The following SPAG16 variants were observed in gnomAD, a reference collection of about 807,000 sequenced individuals.
SPAG16 encodes sperm-associated antigen 16 protein.
SPAG16 carries 86 observed loss-of-function variants against 80.4 expected under a neutral mutation model. The observed-to-expected ratio is 1.07, with a 90% CI of 0.90 to 1.28. SPAG16 has a LOEUF of 1.28. Among genes scored for constraint, SPAG16 ranks in the 50% most tolerant of loss-of-function variants. The pLI, the probability that SPAG16 is intolerant of heterozygous loss-of-function variation, is 0.00. For synonymous variants in SPAG16, 294 were observed against 265.9 expected (o/e 1.11, Z -1.03); for missense variants, 870 against 765.3 (o/e 1.14, Z -1.61).
chr2:213,373,263 C>T (rs1240570522), intron 8 of SPAG16, among the ~76,000 whole-genome samples: 1 of 152,106 alleles, frequency 6.6e-6, no homozygotes, highest in Non-Finnish European at 1.5e-5. Flanking sequence ...ACTTTATTGT[C>T]TGTGCCTTTC....
At chr2:213,710,348 G>A (rs2065930028) in intron 10 of SPAG16, among the ~76,000 whole-genome samples, 1 of 151,416 alleles carries the variant, frequency 6.6e-6, no homozygotes, top group Non-Finnish European at 1.5e-5. Context: ...AAAATTACAT[G>A]TAATTCATAA....
chr2:214,169,556 T>C (rs192473628), intron 15 of SPAG16, among the ~76,000 whole-genome samples: 2 of 152,070 alleles, frequency 1.3e-5, no homozygotes, highest in African/African-American at 4.8e-5. Flanking sequence ...CTCTCCAATA[T>C]TTTTGGAGAG....
chr2:213,409,116 G>GTTT (rs71060431), intron 9 of SPAG16, among the ~76,000 whole-genome samples: 1 of 146,766 alleles, frequency 6.8e-6, no homozygotes. Flanking sequence ...TAAATTAACT[G>GTTT]TTTTTTTTTT....
chr2:213,303,517 A>G lies in SPAG16; in HGVS notation c.279+6160A>G, dbSNP rs1208601528. On this transcript the variant is annotated intron_variant, in intron 3 of 15. Transcript: ENST00000331683. ...TCATTCTGACTATATTTTTGTACCC[A>G]TTAACCATCCCCTCTCCCCTCCCCA... is the stretch of plus-strand genomic sequence containing the variant. Among the ~76,000 whole-genome samples, 5 of 151,846 alleles carry G rather than the reference A, an allele frequency of 3.3e-5. No homozygotes were observed. In the South Asian group the frequency reaches 1.0e-3, roughly 32 times the overall value.
At chr2:214,001,860 C>T (rs1403241728) in intron 12 of SPAG16, among the ~76,000 whole-genome samples, 1 of 151,970 alleles carries the variant, frequency 6.6e-6, no homozygotes, top group Non-Finnish European at 1.5e-5. Flanking sequence ...AGAGTTTGTG[C>T]GTATTAGTCC....
At chr2:213,319,531 A>G (rs1160863333) in intron 5 of SPAG16, among the ~76,000 whole-genome samples, 1 of 151,970 alleles carries the variant, frequency 6.6e-6, no homozygotes, top group Non-Finnish European at 1.5e-5. Context: ...CCATTTCTCA[A>G]AAGTGTTTTG....
At chr2:213,468,377 A>C (rs77916724) in intron 9 of SPAG16, among the ~76,000 whole-genome samples, 8,783 of 144,384 alleles carry the variant, frequency 0.061, 475 homozygotes, top group East Asian at 0.13. Flanking sequence ...ATCTCTCTCT[A>C]TATATATAGA....
intron 15 of SPAG16, among the ~76,000 whole-genome samples, chr2:214,230,523 G>A (rs566158383): frequency 6.6e-6 from 1 of 151,912 alleles, no homozygotes; most frequent in Middle Eastern, 3.2e-3. Flanking sequence ...TTAATCTCAG[G>A]AAGAAATATT....
intron 14 of SPAG16, among the ~76,000 whole-genome samples, chr2:214,137,591 T>G (rs903484754): frequency 6.6e-6 from 1 of 152,116 alleles, no homozygotes; most frequent in Admixed American, 6.6e-5. Context: ...ACTTTTGTGA[T>G]ATACTCTAGT....
chr2:213,954,492 G>A (rs976732018), intron 12 of SPAG16, among the ~76,000 whole-genome samples: 9 of 151,832 alleles, frequency 5.9e-5, no homozygotes, highest in Admixed American at 5.9e-4. Flanking sequence ...TTGGACATAT[G>A]TTTTCTCTTT....
At chr2:214,038,301 G>T (rs1349943153) in intron 13 of SPAG16, among the ~76,000 whole-genome samples, 1 of 151,996 alleles carries the variant, frequency 6.6e-6, no homozygotes, top group African/African-American at 2.4e-5. Context: ...CATTTTGAAT[G>T]ACATATTTTA....
At chr2:214,196,263 C>T (rs1168330541) in intron 15 of SPAG16, among the ~76,000 whole-genome samples, 1 of 151,992 alleles carries the variant, frequency 6.6e-6, no homozygotes, top group Non-Finnish European at 1.5e-5. Context: ...CTACCGTTTT[C>T]TCCCTGTGGA....
intron 7 of SPAG16, among the ~76,000 whole-genome samples, chr2:213,361,835 T>C (rs2065998600): frequency 7.9e-6 from 1 of 125,820 alleles, no homozygotes; most frequent in African/African-American, 3.1e-5. Context: ...ACACAGAGGC[T>C]GTGAATAAAT....
At chr2:213,346,294 G>A (rs1035935722) in intron 6 of SPAG16, among the ~76,000 whole-genome samples, 2 of 152,084 alleles carry the variant, frequency 1.3e-5, no homozygotes, top group Middle Eastern at 3.2e-3. Flanking sequence ...GAGACAGTGG[G>A]GTTTTCTAGA....
intron 10 of SPAG16, among the ~76,000 whole-genome samples, chr2:213,590,446 G>GA (rs112750165): frequency 0.045 from 5,604 of 123,578 alleles, 123 homozygotes; most frequent in African/African-American, 0.057. Context: ...AAAACAACAA[G>GA]AAAAAAAAAA....
chr2:213,948,205 A>T (rs1017758913), intron 12 of SPAG16, among the ~76,000 whole-genome samples: 1 of 152,204 alleles, frequency 6.6e-6, no homozygotes, highest in South Asian at 2.1e-4. Context: ...GTCTAACCTC[A>T]AAGTGTAATA....
chr2:213,531,798 T>C (rs2076077452), intron 10 of SPAG16, among the ~76,000 whole-genome samples: 1 of 152,164 alleles, frequency 6.6e-6, no homozygotes, highest in Non-Finnish European at 1.5e-5. Flanking sequence ...TGTAATTTTA[T>C]TCCATTTTTT....
intron 12 of SPAG16, among the ~76,000 whole-genome samples, chr2:213,999,349 C>T (rs971587606): frequency 6.6e-6 from 1 of 152,228 alleles, no homozygotes; most frequent in Non-Finnish European, 1.5e-5. Context: ...GTGCAAGCCC[C>T]AGTCCTTGGC....
rs2078067840 is a variant in SPAG16 at position 213,918,495 on chromosome 2, GGGAGGGAC to G, written c.1215-11464_1215-11457del. Among the ~76,000 whole-genome samples the G allele has an allele frequency of 7.9e-5, 12 of 152,252 alleles. No individual in the cohort carries two copies. The East Asian group carries it at 2.3e-3, about 29-fold the overall frequency. ...AGCTCCCATAATTTCCATGTGTTGTGGGAGGGACCTGGTGGGAGGTAATTGAATTAAGG... is the reference window on the plus strand; with the variant it reads ...AGCTCCCATAATTTCCATGTGTTGTGCTGGTGGGAGGTAATTGAATTAAGG... On this transcript the variant is annotated intron_variant, in intron 11 of 15. Coordinates refer to ENST00000331683, the MANE Select transcript of SPAG16 (RefSeq NM_024532.5).
Sources: allele counts gnomAD v4.1 joint callset (sites outside exome capture counted in the v4.1 genomes callset), GRCh38; gene constraint gnomAD v4.1.1; transcripts MANE v1.5; gene names NCBI Gene and HGNC (gene_info 2026-07-23, HGNC 2026-07-21).